Variants in WWOX observed in about 807,000 individuals in gnomAD.
WWOX encodes the protein WW domain containing oxidoreductase.
WWOX carries 69 observed loss-of-function variants against 46.2 expected under a neutral mutation model. That is an observed-to-expected ratio of 1.49 (90% CI 1.23 to 1.82). The LOEUF is 1.82. Ranked by LOEUF, WWOX falls within the 40% of genes most tolerant of loss-of-function variation. The pLI, the probability that WWOX is intolerant of heterozygous loss-of-function variation, is 0.00. For missense variants in WWOX, 919 were observed against 542.6 expected (o/e 1.69, Z -6.89); for synonymous variants, 359 against 202.6 (o/e 1.77, Z -6.56).
Position 78,099,665 on chromosome 16 carries a change from G to T in WWOX, c.-114G>T. 1.5e-6 allele frequency: 2 copies of T among 1,340,164 alleles called. No homozygotes were observed. The highest frequency in any genetic ancestry group is 2.0e-6 in the Non-Finnish European group (2 of 1,015,946). 83.0% of individuals were successfully genotyped at this position (1,340,164 alleles called of 1,614,324 possible). A position where few individuals can be genotyped will look rare whatever the true frequency, so the allele number is the denominator to read the frequency against. On this transcript the variant is annotated 5_prime_UTR_variant, in exon 1 of 9. Transcript: ENST00000566780. ...GGCCCCTGGAGGGCGCAGTGCGCAG[G>T]CGTGAGCGGTCGGGCCCCGACGCGC... is the stretch of plus-strand genomic sequence containing the variant.
At chr16:79,054,600 T>C (rs1057409367) in intron 8 of WWOX, among the ~76,000 whole-genome samples, 3 of 152,092 alleles carry the variant, frequency 2.0e-5, no homozygotes, top group Admixed American at 6.5e-5. Context: ...GGTGGGAAGA[T>C]CCCTTGAGTC....
At chr16:79,207,406 C>T (rs1263386917) in intron 8 of WWOX, among the ~76,000 whole-genome samples, 1 of 152,218 alleles carries the variant, frequency 6.6e-6, no homozygotes, top group East Asian at 1.9e-4. Context: ...GGAACACTGC[C>T]GTCTTCAAAA....
At chr16:78,488,077 T>G (rs1202852708) in intron 8 of WWOX, among the ~76,000 whole-genome samples, 2 of 152,184 alleles carry the variant, frequency 1.3e-5, no homozygotes, top group Non-Finnish European at 2.9e-5. Context: ...TCCAGCCTAT[T>G]TTCTGAGCTG....
intron 8 of WWOX, among the ~76,000 whole-genome samples, chr16:78,609,566 T>C (rs938777321): frequency 2.6e-5 from 4 of 151,144 alleles, no homozygotes; most frequent in African/African-American, 9.7e-5. Context: ...TTTCCCAGAC[T>C]CCTCATACCC....
chr16:78,818,406 A>C (rs2051400585), intron 8 of WWOX, among the ~76,000 whole-genome samples: 2 of 152,216 alleles, frequency 1.3e-5, no homozygotes, highest in Non-Finnish European at 2.9e-5. Context: ...TCAGGCCTTG[A>C]AGTGCAGTAG....
intron 8 of WWOX, among the ~76,000 whole-genome samples, chr16:78,983,332 G>T (rs2151336086): frequency 6.6e-6 from 1 of 152,306 alleles, no homozygotes; most frequent in African/African-American, 2.4e-5. Flanking sequence ...CTCGTATCTG[G>T]TCTCACGCTT....
chr16:78,530,316 C>T (rs1381247109), intron 8 of WWOX, among the ~76,000 whole-genome samples: 3 of 152,072 alleles, frequency 2.0e-5, no homozygotes, highest in African/African-American at 4.8e-5. Context: ...GGGTTCTTGT[C>T]CAGTGTCCAG....
At chr16:78,228,942 A>T (rs1354379682) in intron 5 of WWOX, among the ~76,000 whole-genome samples, 2 of 152,196 alleles carry the variant, frequency 1.3e-5, no homozygotes, top group South Asian at 4.1e-4. Flanking sequence ...CAAATCTAAC[A>T]GGAAGCTCCA....
At chr16:78,447,193 C>T (rs967427409) in intron 8 of WWOX, among the ~76,000 whole-genome samples, 7 of 152,120 alleles carry the variant, frequency 4.6e-5, no homozygotes, top group Non-Finnish European at 8.8e-5. Context: ...AGCTTTGGAA[C>T]GGACCCTGGA....
At chr16:79,149,400 TG>T (rs1446211836) in intron 8 of WWOX, among the ~76,000 whole-genome samples, 4 of 152,226 alleles carry the variant, frequency 2.6e-5, no homozygotes, top group African/African-American at 4.8e-5. Flanking sequence ...ATGGCATATA[TG>T]TTTTTTTATA....
At chr16:79,189,463 G>A (rs1159732066) in intron 8 of WWOX, among the ~76,000 whole-genome samples, 1 of 140,136 alleles carries the variant, frequency 7.1e-6, no homozygotes, top group Admixed American at 6.9e-5. Context: ...GTGTGTGTGT[G>A]TGTGTGTGTG....
chr16:79,087,130 C>A (rs949170516), intron 8 of WWOX, among the ~76,000 whole-genome samples: 1 of 152,144 alleles, frequency 6.6e-6, no homozygotes, highest in African/African-American at 2.4e-5. Flanking sequence ...AGGTAAGAAG[C>A]CAAGTGGCAT....
intron 8 of WWOX, among the ~76,000 whole-genome samples, chr16:79,104,039 G>GA (rs1491280766): frequency 6.5e-5 from 3 of 46,074 alleles, no homozygotes; most frequent in Admixed American, 3.6e-4. Flanking sequence ...CCCTTTTTTG[G>GA]GGGGGGGGGG....
chr16:78,961,198 A>G (rs2046264436), intron 8 of WWOX, among the ~76,000 whole-genome samples: 1 of 152,228 alleles, frequency 6.6e-6, no homozygotes, highest in South Asian at 2.1e-4. Flanking sequence ...GGATGGTGAC[A>G]TCAGAAGTTA....
intron 8 of WWOX, among the ~76,000 whole-genome samples, chr16:78,989,110 T>G (rs569730223): frequency 9.2e-5 from 14 of 152,102 alleles, no homozygotes; most frequent in Non-Finnish European, 1.9e-4. Flanking sequence ...GAGTCCTTAA[T>G]TACTAAAATT....
intron 8 of WWOX, among the ~76,000 whole-genome samples, chr16:78,659,089 C>G (rs778298906): frequency 2.7e-5 from 4 of 147,956 alleles, no homozygotes; most frequent in Non-Finnish European, 4.5e-5. Flanking sequence ...GAGAATCCGT[C>G]TCAAAAAAAA....
chr16:79,104,505 T>C (rs906629294), intron 8 of WWOX, among the ~76,000 whole-genome samples: 1 of 152,232 alleles, frequency 6.6e-6, no homozygotes, highest in Non-Finnish European at 1.5e-5. Context: ...ATACAAAGGA[T>C]AGATCAGTAA....
intron 8 of WWOX, among the ~76,000 whole-genome samples, chr16:78,733,758 A>C (rs771269691): frequency 6.6e-6 from 1 of 151,936 alleles, no homozygotes; most frequent in Non-Finnish European, 1.5e-5. Context: ...CCGTCTCAAA[A>C]AATAAGTAAA....
At chr16:78,188,614 A>T (rs989387037) in intron 5 of WWOX, among the ~76,000 whole-genome samples, 2 of 152,146 alleles carry the variant, frequency 1.3e-5, no homozygotes, top group Non-Finnish European at 2.9e-5. Context: ...ATCATTTAGA[A>T]GTTTCGAGAC....
Sources: allele counts gnomAD v4.1 joint callset (sites outside exome capture counted in the v4.1 genomes callset), GRCh38; gene constraint gnomAD v4.1.1; transcripts MANE v1.5; gene names NCBI Gene and HGNC (gene_info 2026-07-23, HGNC 2026-07-21).